Variants in HIVEP3 observed in about 807,000 individuals in gnomAD.
HIVEP3 encodes the protein transcription factor HIVEP3.
HIVEP3 carries 49 observed loss-of-function variants against 152.8 expected under a neutral mutation model. That is an observed-to-expected ratio of 0.32 (90% CI 0.26 to 0.41). HIVEP3 has a LOEUF of 0.41. HIVEP3 is among the 10% of genes least tolerant of loss of function. The pLI is 1.00. For synonymous variants in HIVEP3, 1,269 were observed against 1,289.0 expected (o/e 0.98, Z 0.33); for missense variants, 2,790 against 3,103.3 (o/e 0.90, Z 2.40).
rs568628792 is a variant in HIVEP3, at chr1:41,781,808, T to C, written c.-800-80813A>G. Among the ~76,000 whole-genome samples the C allele has an allele frequency of 9.8e-5, 15 of 152,300 alleles. 1 individual carries two copies. In the South Asian group the frequency reaches 2.1e-3, roughly 21 times the overall value. On this transcript the variant is annotated intron_variant, in intron 1 of 8. Coordinates refer to ENST00000372583, the MANE Select transcript of HIVEP3 (RefSeq NM_024503.5). ...TCTTGCCTCTGAGCATTTGCACATGTTATTTCTTTTGCTGCCATGTCCTTC... is the reference window on the plus strand; with the variant it reads ...TCTTGCCTCTGAGCATTTGCACATGCTATTTCTTTTGCTGCCATGTCCTTC...
At chr1:41,733,023 T>C (rs1192097856) in intron 1 of HIVEP3, among the ~76,000 whole-genome samples, 1 of 152,194 alleles carries the variant, frequency 6.6e-6, no homozygotes, top group Non-Finnish European at 1.5e-5. Flanking sequence ...AACCAGCAGA[T>C]GCAGAACTCC....
At chr1:41,546,356 G>C (rs1373168236) in intron 5 of HIVEP3, among the ~76,000 whole-genome samples, 1 of 152,226 alleles carries the variant, frequency 6.6e-6, no homozygotes, top group African/African-American at 2.4e-5. Flanking sequence ...TGGCCTGAGA[G>C]TGGGAAATTC....
chr1:41,633,908 G>C (rs1171654510), intron 2 of HIVEP3, among the ~76,000 whole-genome samples: 2 of 152,198 alleles, frequency 1.3e-5, no homozygotes, highest in Admixed American at 6.5e-5. Flanking sequence ...CAAGTTTGTA[G>C]ATGATATCTG....
At chr1:41,902,964 T>A (rs1412554217) in intron 1 of HIVEP3, among the ~76,000 whole-genome samples, 1 of 151,740 alleles carries the variant, frequency 6.6e-6, no homozygotes, top group Non-Finnish European at 1.5e-5. Context: ...ATTAAGAGAG[T>A]ATGGTGAGTA....
intron 1 of HIVEP3, among the ~76,000 whole-genome samples, chr1:41,831,704 G>A (rs1229762189): frequency 2.6e-5 from 4 of 152,204 alleles, no homozygotes; most frequent in Non-Finnish European, 4.4e-5. Flanking sequence ...CAAGTCCCAC[G>A]AGGTAATGAA....
intron 1 of HIVEP3, among the ~76,000 whole-genome samples, chr1:41,942,592 T>G (rs1346032905): frequency 1.3e-5 from 2 of 152,324 alleles, no homozygotes; most frequent in Admixed American, 1.3e-4. Flanking sequence ...ATCCTTTAAG[T>G]TAGGAATCTA....
chr1:41,798,930 T>A lies in HIVEP3; in HGVS notation c.-800-97935A>T, dbSNP rs181423970. 2.6e-5 allele frequency among the ~76,000 whole-genome samples: 4 copies of A among 152,286 alleles called. No homozygotes were observed. In the East Asian group the frequency reaches 7.7e-4, roughly 29 times the overall value. ...GGGTTGGGTTATGTCTGCCCCAATGTTGACATGAAGAAATTCCTCCCTTTC... is the reference window on the plus strand; with the variant it reads ...GGGTTGGGTTATGTCTGCCCCAATGATGACATGAAGAAATTCCTCCCTTTC... On this transcript the variant is annotated intron_variant, in intron 1 of 8. Transcript: ENST00000372583.
At position 41,594,371 on chromosome 1, in the gene HIVEP3, C is replaced by T. The variant is rs192012849; in HGVS notation, c.-521-9053G>A. 4.2e-3 allele frequency among the ~76,000 whole-genome samples: 644 copies of T among 152,060 alleles called. 6 individuals carry two copies. Among genetic ancestry groups the T allele is most frequent in the African/African-American group, 0.015 (617 of 41,468 alleles). ...CTGAGTAGCTGGGATTACAGGCGTG[C>T]ACCACCACACCCAGATAATTTTCGT... On this transcript the variant is annotated intron_variant, in intron 3 of 8. Coordinates refer to ENST00000372583, the MANE Select transcript of HIVEP3 (RefSeq NM_024503.5).
At chr1:41,946,855 A>C (rs1645077818) in intron 1 of HIVEP3, among the ~76,000 whole-genome samples, 1 of 152,068 alleles carries the variant, frequency 6.6e-6, no homozygotes, top group African/African-American at 2.4e-5. Flanking sequence ...GCCTAGTAAA[A>C]CCATGCAGTA....
chr1:41,682,056 T>C (rs1247455540), intron 2 of HIVEP3, among the ~76,000 whole-genome samples: 1 of 152,074 alleles, frequency 6.6e-6, no homozygotes, highest in South Asian at 2.1e-4. Context: ...CGGATATCAC[T>C]TGTGCCAGCC....
intron 1 of HIVEP3, among the ~76,000 whole-genome samples, chr1:41,757,902 GGGT>G: frequency 6.6e-6 from 1 of 151,998 alleles, no homozygotes; most frequent in Admixed American, 6.6e-5. Flanking sequence ...AGTAGAGACA[GGGT>G]TTCTCCACAT....
At chr1:41,718,800 GCA>G (rs71788756) in intron 1 of HIVEP3, among the ~76,000 whole-genome samples, 57 of 150,420 alleles carry the variant, frequency 3.8e-4, no homozygotes, top group Non-Finnish European at 5.8e-4. Context: ...ACACACACGT[GCA>G]CACACACACA....
rs1013465677 is a variant in HIVEP3 at position 41,509,600 on chromosome 1, C to G, written c.*851G>C. 6.6e-6 allele frequency: 1 copy of G among 152,136 alleles called. No homozygotes were observed. The highest frequency in any genetic ancestry group is 2.1e-4 in the South Asian group (1 of 4,826). 9.4% of individuals were successfully genotyped at this position (152,136 alleles called of 1,614,324 possible). On this transcript the variant is annotated 3_prime_UTR_variant, in exon 9 of 9. Coordinates refer to ENST00000372583, the MANE Select transcript of HIVEP3 (RefSeq NM_024503.5). ...GGGAGCCAGGGACGGACAGTCAGGG[C>G]TCCTTCCCCAGCCCAGGGGGCCAGG...
chr1:41,794,820 G>C (rs12409302), intron 1 of HIVEP3, among the ~76,000 whole-genome samples: 47 of 152,136 alleles, frequency 3.1e-4, no homozygotes, highest in East Asian at 2.5e-3. Flanking sequence ...AATAATCTTA[G>C]AATTACAGGA....
chr1:41,672,860 G>A (rs902950770), intron 2 of HIVEP3, among the ~76,000 whole-genome samples: 12 of 152,182 alleles, frequency 7.9e-5, no homozygotes, highest in African/African-American at 2.2e-4. Flanking sequence ...AAACACTTAC[G>A]TAAAGAGATT....
At chr1:41,912,097 G>T (rs1217242650) in intron 1 of HIVEP3, among the ~76,000 whole-genome samples, 1 of 152,012 alleles carries the variant, frequency 6.6e-6, no homozygotes, top group Non-Finnish European at 1.5e-5. Context: ...TATTGTTTAG[G>T]GATACAAATG....
chr1:41,694,170 T>G (rs981113163), intron 2 of HIVEP3, among the ~76,000 whole-genome samples: 7 of 152,252 alleles, frequency 4.6e-5, no homozygotes, highest in African/African-American at 1.7e-4. Context: ...TATGCTTTTA[T>G]TTCTTTGGAG....
At chr1:41,525,067 T>C (rs1642861402) in intron 5 of HIVEP3, among the ~76,000 whole-genome samples, 157 bp from the exon 6 acceptor site, 1 of 152,128 alleles carries the variant, frequency 6.6e-6, no homozygotes, top group African/African-American at 2.4e-5. Flanking sequence ...TGGGAGGAAC[T>C]GAGTCACCCT....
chr1:41,871,279 G>C (rs1644074196), intron 1 of HIVEP3, among the ~76,000 whole-genome samples: 4 of 152,130 alleles, frequency 2.6e-5, no homozygotes, highest in Admixed American at 2.6e-4. Flanking sequence ...AAACCCTCAA[G>C]GTTTCTCCAG....
Sources: gnomAD v4.1 joint callset for allele counts (sites outside exome capture counted in the v4.1 genomes callset) on GRCh38, gnomAD v4.1.1 for gene constraint, MANE v1.5 for transcripts, NCBI Gene and HGNC (gene_info 2026-07-23, HGNC 2026-07-21) for gene names.